The following MTAP variants were observed in gnomAD, a reference collection of about 807,000 sequenced individuals.
MTAP encodes methylthioadenosine phosphorylase, also known as S-methyl-5'-thioadenosine phosphorylase.
In MTAP, 33 loss-of-function variants were observed where a neutral mutation model predicts 33.6. The observed-to-expected ratio is 0.98, with a 90% CI of 0.74 to 1.31. MTAP has a LOEUF of 1.31. Ranked by LOEUF, MTAP falls within the 40% of genes most tolerant of loss-of-function variation. The probability of loss-of-function intolerance (pLI) is 0.00; values close to 1 mark genes in which losing one functional copy is unlikely to be tolerated. For missense variants in MTAP, 367 were observed against 360.0 expected (o/e 1.02, Z -0.16); for synonymous variants, 148 against 125.7 (o/e 1.18, Z -1.19).
chr9:21,876,707 C>T (rs893461815), intron 1 of MTAP, among the ~76,000 whole-genome samples: 5 of 152,066 alleles, frequency 3.3e-5, no homozygotes, highest in African/African-American at 1.2e-4. Flanking sequence ...GCTCTCTATT[C>T]GGTTCCATTG....
intron 4 of MTAP, among the ~76,000 whole-genome samples, chr9:21,822,270 G>C (rs1181969342): frequency 2.0e-5 from 3 of 152,148 alleles, no homozygotes; most frequent in Non-Finnish European, 2.9e-5. Flanking sequence ...GGCATTTAGT[G>C]CTATAAATTT....
At chr9:21,876,177 A>C (rs1445465703) in intron 1 of MTAP, among the ~76,000 whole-genome samples, 1 of 152,164 alleles carries the variant, frequency 6.6e-6, no homozygotes, top group Admixed American at 6.5e-5. Flanking sequence ...TCTTCTTTAG[A>C]AAAGTGCCTG....
At chr9:21,805,538 C>G (rs1824187402) in intron 1 of MTAP, among the ~76,000 whole-genome samples, 1 of 152,176 alleles carries the variant, frequency 6.6e-6, no homozygotes, top group Non-Finnish European at 1.5e-5. Context: ...TTAAGCTGTG[C>G]AGTAGTCTGC....
intron 1 of MTAP, among the ~76,000 whole-genome samples, chr9:21,913,420 C>T (rs1215056574): frequency 6.6e-6 from 1 of 152,018 alleles, no homozygotes; most frequent in Non-Finnish European, 1.5e-5. Flanking sequence ...GGTACTGGTA[C>T]CAAAACAGAG....
intron 1 of MTAP, chr9:21,930,869 T>C: frequency 1.6e-6 from 1 of 639,686 alleles, no homozygotes; most frequent in South Asian, 1.9e-5. Context: ...GTTAGTTAGA[T>C]TGGTAAGGAA....
downstream of MTAP, chr9:21,932,085 G>A (rs964457811): frequency 1.3e-5 from 2 of 152,112 alleles, no homozygotes; most frequent in Non-Finnish European, 2.9e-5. Flanking sequence ...AACTAAAAAT[G>A]TACGTTGACT....
intron 1 of MTAP, among the ~76,000 whole-genome samples, chr9:21,885,794 G>GTGTGTC (rs1818099019): frequency 6.8e-6 from 1 of 146,894 alleles, no homozygotes; most frequent in Admixed American, 6.8e-5. Context: ...GTGTGTGTGT[G>GTGTGTC]TGTGTGTGTG....
At position 21,839,235 on chromosome 9, in the gene MTAP, T is replaced by A. The variant is rs1419620448; in HGVS notation, c.450+1225T>A. On this transcript the variant is annotated intron_variant, in intron 5 of 7. Coordinates refer to ENST00000644715, the MANE Select transcript of MTAP (RefSeq NM_002451.4). ...TGTATATGTATGTATAGCATGTTTC[T>A]GGATAGTTATCCACAGAATGTATCA... is the stretch of plus-strand genomic sequence containing the variant. Among the ~76,000 whole-genome samples, 3 of 152,042 alleles carry A rather than the reference T, an allele frequency of 2.0e-5. No individual in the cohort carries two copies. The East Asian group carries it at 5.8e-4, about 29-fold the overall frequency.
chr9:21,824,480 T>TGAG (rs1189077721), intron 4 of MTAP, among the ~76,000 whole-genome samples: 3 of 152,138 alleles, frequency 2.0e-5, no homozygotes, highest in Non-Finnish European at 4.4e-5. Flanking sequence ...CTCAGAGGGG[T>TGAG]ACCCAGCCGT....
At chr9:21,826,488 T>C (rs1363564701) in intron 4 of MTAP, among the ~76,000 whole-genome samples, 1 of 152,052 alleles carries the variant, frequency 6.6e-6, no homozygotes, top group Admixed American at 6.5e-5. Flanking sequence ...GGTGGCCTGA[T>C]CAGAACCAGG....
chr9:21,853,745 C>T (rs1261661817), intron 5 of MTAP, among the ~76,000 whole-genome samples: 1 of 152,156 alleles, frequency 6.6e-6, no homozygotes, highest in African/African-American at 2.4e-5. Context: ...TACCTTAGTT[C>T]ATTTAATCTT....
chr9:21,910,008 C>T (rs542173942), intron 1 of MTAP, among the ~76,000 whole-genome samples: 1 of 152,198 alleles, frequency 6.6e-6, no homozygotes, highest in African/African-American at 2.4e-5. Flanking sequence ...TTAAATTGCA[C>T]CAGGGAACTC....
At chr9:21,915,047 C>T (rs199558406) in intron 1 of MTAP, among the ~76,000 whole-genome samples, 1,162 of 61,974 alleles carry the variant, frequency 0.019, 115 homozygotes, top group African/African-American at 0.11. Flanking sequence ...TTCCTTCCTT[C>T]CTTCCTTCCT....
At chr9:21,817,915 G>T in intron 3 of MTAP, 120 bp from the exon 4 acceptor site, 1 of 945,508 alleles carries the variant, frequency 1.1e-6, no homozygotes, top group Non-Finnish European at 1.5e-6. Flanking sequence ...GGTTCTAGGA[G>T]ACCCCCTGTG....
intron 1 of MTAP, among the ~76,000 whole-genome samples, chr9:21,807,028 G>T (rs1242610301): frequency 6.6e-6 from 1 of 152,128 alleles, no homozygotes; most frequent in Non-Finnish European, 1.5e-5. Flanking sequence ...GCCAGGCACG[G>T]TGCTGCACGC....
chr9:21,926,078 C>T (rs1410759621), intron 1 of MTAP, among the ~76,000 whole-genome samples: 1 of 152,130 alleles, frequency 6.6e-6, no homozygotes, highest in African/African-American at 2.4e-5. Flanking sequence ...CAATCTTATG[C>T]CTCAAGGAAG....
At chr9:21,815,693 G>GTGTC in intron 2 of MTAP, 174 bp downstream of exon 2, 1 of 610,784 alleles carries the variant, frequency 1.6e-6, no homozygotes, top group Non-Finnish European at 2.9e-6. Context: ...AGCTGAGAAG[G>GTGTC]TGTCTGATGG....
intron 1 of MTAP, among the ~76,000 whole-genome samples, chr9:21,909,476 C>A (rs1043926409): frequency 6.6e-6 from 1 of 152,098 alleles, no homozygotes; most frequent in Non-Finnish European, 1.5e-5. Context: ...TGGGCATTCT[C>A]AAATTTAATC....
chr9:21,878,948 A>T (rs886258806), intron 1 of MTAP, among the ~76,000 whole-genome samples: 2 of 152,080 alleles, frequency 1.3e-5, no homozygotes, highest in Non-Finnish European at 2.9e-5. Flanking sequence ...GTTCTTCCGC[A>T]TTTGCTGAGG....
Sources: gnomAD v4.1 joint callset for allele counts (sites outside exome capture counted in the v4.1 genomes callset) on GRCh38, gnomAD v4.1.1 for gene constraint, MANE v1.5 for transcripts, NCBI Gene and HGNC (gene_info 2026-07-23, HGNC 2026-07-21) for gene names.